The following HPSE2 variants were observed in gnomAD, a reference collection of about 807,000 sequenced individuals.
HPSE2 encodes inactive heparanase-2.
HPSE2 carries 38 observed loss-of-function variants against 60.5 expected under a neutral mutation model. The observed-to-expected ratio is 0.63, with a 90% confidence interval of 0.48 to 0.82. HPSE2 has a LOEUF of 0.82. Ranked by LOEUF, HPSE2 falls within the 40% of genes least tolerant of loss-of-function variation. The pLI, the probability that HPSE2 is intolerant of heterozygous loss-of-function variation, is 0.00. For synonymous variants in HPSE2, 295 were observed against 293.2 expected, an observed-to-expected ratio of 1.01 and a Z score of -0.06; for missense variants, 713 against 740.4, an observed-to-expected ratio of 0.96 and a Z score of 0.43.
intron 3 of HPSE2, among the ~76,000 whole-genome samples, chr10:98,879,594 C>T (rs1952965573): frequency 6.6e-6 from 1 of 151,846 alleles, no homozygotes. Context: ...GATGTGTATC[C>T]TGGCAAAATA....
chr10:98,498,671 GA>G (rs944532119), intron 9 of HPSE2, among the ~76,000 whole-genome samples: 13 of 152,112 alleles, frequency 8.5e-5, no homozygotes, highest in African/African-American at 2.7e-4. Context: ...ACCTGAAAAA[GA>G]ATTCAGGAGG....
chr10:98,608,151 T>G (rs969660715), intron 9 of HPSE2, among the ~76,000 whole-genome samples: 3 of 152,222 alleles, frequency 2.0e-5, no homozygotes, highest in Non-Finnish European at 4.4e-5. Flanking sequence ...GAGCTGGTTT[T>G]GAAACTCAGG....
chr10:98,644,724 C>T (rs4620660), intron 6 of HPSE2, among the ~76,000 whole-genome samples: 70,528 of 152,084 alleles, frequency 0.46, 19,672 homozygotes, highest in Non-Finnish European at 0.64. Flanking sequence ...CTGTTACTTC[C>T]TCTCAATGGC....
At chr10:98,521,306 A>G (rs10883116) in intron 9 of HPSE2, among the ~76,000 whole-genome samples, 46,179 of 152,036 alleles carry the variant, frequency 0.3, 7,141 homozygotes, top group East Asian at 0.42. Context: ...AAAAAACTCC[A>G]TCAAAAAGTG....
At chr10:98,621,102 T>G (rs1030908877) in intron 7 of HPSE2, among the ~76,000 whole-genome samples, 1 of 151,816 alleles carries the variant, frequency 6.6e-6, no homozygotes, top group Non-Finnish European at 1.5e-5. Context: ...ACACACGTAC[T>G]CCCTAAAAGC....
At chr10:99,295,337 C>T in the HPSE2 span, among the ~76,000 whole-genome samples, 9 of 76,716 alleles carry the variant, frequency 1.2e-4, no homozygotes, top group Non-Finnish European at 1.8e-4. Context: ...CCATAAAATA[C>T]TGCCTCTCAG....
At chr10:99,173,023 G>A (rs1439606723) in intron 2 of HPSE2, among the ~76,000 whole-genome samples, 1 of 137,182 alleles carries the variant, frequency 7.3e-6, no homozygotes, top group Non-Finnish European at 1.7e-5. Flanking sequence ...ATGCCTTCTT[G>A]TTTAGAATAC....
chr10:98,724,130 C>G (rs1190756883), intron 4 of HPSE2, among the ~76,000 whole-genome samples: 1 of 152,000 alleles, frequency 6.6e-6, no homozygotes, highest in Non-Finnish European at 1.5e-5. Context: ...CTACACACTG[C>G]TTTGAATGTG....
intron 3 of HPSE2, among the ~76,000 whole-genome samples, chr10:98,763,757 GGT>G (rs1305178611): frequency 9.9e-5 from 15 of 151,108 alleles, no homozygotes; most frequent in Admixed American, 8.6e-4. Context: ...CAGGAATAAA[GGT>G]GTTACAAAGA....
At chr10:99,207,487 G>A (rs1848790043) in intron 2 of HPSE2, among the ~76,000 whole-genome samples, 1 of 152,074 alleles carries the variant, frequency 6.6e-6, no homozygotes, top group African/African-American at 2.4e-5. Flanking sequence ...GTCGAATTCA[G>A]AAAAATACTG....
the HPSE2 span, among the ~76,000 whole-genome samples, chr10:99,279,692 G>A: frequency 6.6e-6 from 1 of 152,210 alleles, no homozygotes; most frequent in Admixed American, 6.5e-5. Flanking sequence ...CCCATATGGG[G>A]CTACCCAGGG....
intron 5 of HPSE2, among the ~76,000 whole-genome samples, chr10:98,713,848 C>T (rs1948730918): frequency 6.6e-6 from 1 of 151,908 alleles, no homozygotes. Context: ...TTTACTGGGT[C>T]CCTTCTCCTT....
At position 98,908,409 on chromosome 10, in the gene HPSE2, C is replaced by T. The variant is rs568717552; in HGVS notation, c.611-164353G>A. Among the ~76,000 whole-genome samples the T allele has an allele frequency of 6.6e-5, 10 of 152,174 alleles. No individual in the cohort carries two copies. In the South Asian group the frequency reaches 1.0e-3, roughly 16 times the overall value. ...TATAAGATGGTATATGGAGGCTGGG[C>T]GCAGTGGCTCACGCCTGTTATCCCA... On this transcript the variant is annotated intron_variant, in intron 3 of 11. Transcript: ENST00000370552.
At position 98,598,226 on chromosome 10, in the gene HPSE2, C is replaced by G. The variant is rs1026639462; in HGVS notation, c.1320+16678G>C. On this transcript the variant is annotated intron_variant, in intron 9 of 11. Coordinates refer to ENST00000370552, the MANE Select transcript of HPSE2 (RefSeq NM_021828.5). ...TTCTATTTGCTGCAGAGTGGCTTTA[C>G]CAGTCAGCCCATCTGGAGATTCTGG... is the stretch of plus-strand genomic sequence containing the variant. Among the ~76,000 whole-genome samples, 5 of 152,224 alleles carry G rather than the reference C, an allele frequency of 3.3e-5. No homozygotes were observed. In the East Asian group the frequency reaches 7.7e-4, roughly 24 times the overall value.
At chr10:98,964,630 T>C (rs1955767953) in intron 3 of HPSE2, among the ~76,000 whole-genome samples, 1 of 152,128 alleles carries the variant, frequency 6.6e-6, no homozygotes, top group African/African-American at 2.4e-5. Flanking sequence ...AAGGATCTAT[T>C]TGCAATCTTC....
At position 99,229,508 on chromosome 10, in the gene HPSE2, T is replaced by A. The variant is rs549915665; in HGVS notation, c.448+2840A>T. On this transcript the variant is annotated intron_variant, in intron 2 of 11. Coordinates refer to ENST00000370552, the MANE Select transcript of HPSE2 (RefSeq NM_021828.5). Reference sequence around the variant, plus strand: ...GTAAGAATCCTTACCTTTCTTATAGTGTTGTGCAGTCAAAAAAATAACTTA... The same window carrying A: ...GTAAGAATCCTTACCTTTCTTATAGAGTTGTGCAGTCAAAAAAATAACTTA... Among the ~76,000 whole-genome samples the A allele has an allele frequency of 2.0e-5, 3 of 152,238 alleles. No individual in the cohort carries two copies. In the East Asian group the frequency reaches 5.8e-4, roughly 29 times the overall value.
intron 3 of HPSE2, among the ~76,000 whole-genome samples, chr10:99,067,100 C>A (rs1842641916): frequency 6.6e-6 from 1 of 152,204 alleles, no homozygotes; most frequent in African/African-American, 2.4e-5. Context: ...AAATGATCTC[C>A]TTTGACTCCA....
At chr10:98,664,573 T>C (rs996912565) in intron 6 of HPSE2, among the ~76,000 whole-genome samples, 2 of 152,146 alleles carry the variant, frequency 1.3e-5, no homozygotes, top group Admixed American at 6.5e-5. Flanking sequence ...CACAGAGCAC[T>C]ATCGACAATG....
intron 9 of HPSE2, among the ~76,000 whole-genome samples, chr10:98,504,696 G>A (rs1182244988): frequency 6.6e-6 from 1 of 151,846 alleles, no homozygotes; most frequent in African/African-American, 2.4e-5. Flanking sequence ...AGGCTGAGGC[G>A]GGAGAATGGC....
Sources: allele counts gnomAD v4.1 joint callset (sites outside exome capture counted in the v4.1 genomes callset), GRCh38; gene constraint gnomAD v4.1.1; transcripts MANE v1.5; gene names NCBI Gene and HGNC (gene_info 2026-07-23, HGNC 2026-07-21).